The following COL13A1 variants were observed in gnomAD, a reference collection of about 807,000 sequenced individuals.
COL13A1 encodes collagen type XIII alpha 1 chain.
In COL13A1, 89 loss-of-function variants were observed where a neutral mutation model predicts 130.9. The observed-to-expected ratio is 0.68, with a 90% confidence interval of 0.57 to 0.81. COL13A1 has a LOEUF of 0.81. Among genes scored for constraint, COL13A1 ranks in the 30% least tolerant of loss-of-function variants. COL13A1 has a pLI of 0.00. For synonymous variants in COL13A1, 402 were observed against 341.6 expected (o/e 1.18, Z -1.95); for missense variants, 879 against 934.6 (o/e 0.94, Z 0.78).
At chr10:69,852,749 T>C (rs1228198649) in intron 2 of COL13A1, among the ~76,000 whole-genome samples, 1 of 152,214 alleles carries the variant, frequency 6.6e-6, no homozygotes. Flanking sequence ...TGTCCCATTT[T>C]GGGAGACCCC....
intron 22 of COL13A1, among the ~76,000 whole-genome samples, chr10:69,922,338 A>G (rs954931003): frequency 6.6e-6 from 1 of 152,084 alleles, no homozygotes; most frequent in African/African-American, 2.4e-5. Context: ...AGGCCTGAGC[A>G]CCCTGCAGTG....
chr10:69,870,265 C>A (rs79117033), intron 3 of COL13A1, among the ~76,000 whole-genome samples: 33,367 of 151,314 alleles, frequency 0.22, 3,791 homozygotes, highest in Middle Eastern at 0.29. Context: ...AGGTGTTTTG[C>A]AAACCTTTAA....
At chr10:69,929,798 C>G (rs957011632) in intron 28 of COL13A1, among the ~76,000 whole-genome samples, 1 of 152,208 alleles carries the variant, frequency 6.6e-6, no homozygotes, top group Admixed American at 6.5e-5. Flanking sequence ...CCAGAGCGCC[C>G]AGACTGGGAT....
At chr10:69,954,282 G>T (rs188514000) in intron 39 of COL13A1, among the ~76,000 whole-genome samples, 260 of 152,272 alleles carry the variant, frequency 1.7e-3, no homozygotes, top group African/African-American at 5.9e-3. Context: ...TACCTCTAAA[G>T]CACAGCCACT....
At chr10:69,897,648 C>G (rs2061785429) in intron 13 of COL13A1, 1 of 1,126,582 alleles carries the variant, frequency 8.9e-7, no homozygotes, top group African/African-American at 1.5e-5. Context: ...GCTCTGTGTG[C>G]CACTGCTGTC....
chr10:69,905,999 G>A (rs994384316), intron 17 of COL13A1, among the ~76,000 whole-genome samples, 177 bp downstream of exon 17: 2 of 152,226 alleles, frequency 1.3e-5, no homozygotes, highest in African/African-American at 4.8e-5. Context: ...AAATTACTGG[G>A]ATCCACCTAG....
intron 14 of COL13A1, among the ~76,000 whole-genome samples, chr10:69,900,167 G>T (rs1259749211): frequency 3.9e-5 from 6 of 152,114 alleles, no homozygotes; most frequent in Non-Finnish European, 8.8e-5. Flanking sequence ...GGCTGTGCCG[G>T]ACCCCATTCC....
At chr10:69,807,139 A>T (rs1185109652) in intron 1 of COL13A1, among the ~76,000 whole-genome samples, 4 of 152,214 alleles carry the variant, frequency 2.6e-5, no homozygotes, top group Admixed American at 6.5e-5. Context: ...CAGTAATAAC[A>T]TCAGAAACTG....
At chr10:69,817,500 C>A (rs1276598336) in intron 1 of COL13A1, among the ~76,000 whole-genome samples, 1 of 151,876 alleles carries the variant, frequency 6.6e-6, no homozygotes, top group African/African-American at 2.4e-5. Context: ...GTTGAGGGAA[C>A]CACAGAATGA....
chr10:69,956,772 T>C lies in COL13A1; in HGVS notation c.2146-232T>C, dbSNP rs71480624. ...GTCCCACGGGCTAGGACAGCCCCTA[T>C]TGACGTTGCACTATAGCTGCATGTG... On this transcript the variant is annotated intron_variant, in intron 39 of 40. Transcript: ENST00000645393. 0.045 allele frequency: 22,931 copies of C among 513,640 alleles called. 751 individuals carry two copies. The highest frequency in any genetic ancestry group is 0.12 in the Middle Eastern group (230 of 1,852). 31.8% of individuals were successfully genotyped at this position (513,640 alleles called of 1,614,324 possible). A position where few individuals can be genotyped will look rare whatever the true frequency, so the allele number is the denominator to read the frequency against.
chr10:69,927,324 T>A lies in COL13A1; in HGVS notation c.1422+214T>A, dbSNP rs146516815. ...CCTCGAGAGCTGCCCGTGCCCTGGG[T>A]CATGGGTGTCCTCTGTGTAAAGGCT... On this transcript the variant is annotated intron_variant, in intron 27 of 40. Transcript: ENST00000645393. Among the ~76,000 whole-genome samples, 5 of 152,194 alleles carry A rather than the reference T, an allele frequency of 3.3e-5. No homozygotes were observed. The East Asian group carries it at 9.6e-4, about 29-fold the overall frequency.
intron 2 of COL13A1, among the ~76,000 whole-genome samples, chr10:69,857,767 T>G (rs1050721009): frequency 1.3e-5 from 2 of 152,188 alleles, no homozygotes; most frequent in Non-Finnish European, 2.9e-5. Context: ...CCTCCTGAAG[T>G]CCACCTTAAA....
At chr10:69,899,640 C>T (rs751929428) in intron 14 of COL13A1, among the ~76,000 whole-genome samples, 1 of 152,204 alleles carries the variant, frequency 6.6e-6, no homozygotes, top group Non-Finnish European at 1.5e-5. Flanking sequence ...TGAGCAAGTG[C>T]TTCCTTCTTC....
At position 69,802,573 on chromosome 10, in the gene COL13A1, G is replaced by A; in HGVS notation, c.150G>A (p.Leu50=). ...PSPGSCGLLT[L]ALCSLALSLL... Reference sequence around the variant, plus strand: ...CAGGGTCGTGCGGGCTGCTGACGCTGGCCCTCTGCTCGCTGGCACTCAGCC... The same window carrying A: ...CAGGGTCGTGCGGGCTGCTGACGCTAGCCCTCTGCTCGCTGGCACTCAGCC... The change falls in exon 1 of 41, where the codon CTG becomes CTA. Residue 50 remains leucine (L), a synonymous_variant. Transcript: ENST00000645393. 6.2e-7 allele frequency: 1 copy of A among 1,611,148 alleles called. No homozygotes were observed. Among genetic ancestry groups the A allele is most frequent in the Non-Finnish European group, 8.5e-7 (1 of 1,178,806 alleles).
intron 4 of COL13A1, 122 bp from the exon 5 acceptor site, chr10:69,875,006 C>G: frequency 8.7e-7 from 1 of 1,151,770 alleles, no homozygotes; most frequent in South Asian, 1.3e-5. Context: ...TACGGGATGT[C>G]GTCCCCGCTG....
At chr10:69,822,527 A>C in intron 2 of COL13A1, 89 bp downstream of exon 2, 18 of 939,180 alleles carry the variant, frequency 1.9e-5, no homozygotes, top group Non-Finnish European at 2.4e-5. Flanking sequence ...GCCACACCTC[A>C]CTCAGGCCGT....
At chr10:69,878,385 C>T (rs546898907) in intron 6 of COL13A1, among the ~76,000 whole-genome samples, 20 of 152,146 alleles carry the variant, frequency 1.3e-4, no homozygotes, top group Non-Finnish European at 2.1e-4. Flanking sequence ...GGGGGACCCC[C>T]GAGGCTATGG....
At chr10:69,863,897 T>C (rs1279796250) in intron 2 of COL13A1, among the ~76,000 whole-genome samples, 1 of 151,998 alleles carries the variant, frequency 6.6e-6, no homozygotes, top group Non-Finnish European at 1.5e-5. Flanking sequence ...GGCAACATAG[T>C]GAAACTCCAT....
intron 13 of COL13A1, 131 bp downstream of exon 13, chr10:69,895,707 C>A: frequency 1.0e-6 from 1 of 964,182 alleles, no homozygotes. Context: ...CCACTGCCCT[C>A]TGCACTCAGC....
Sources: allele counts gnomAD v4.1 joint callset (sites outside exome capture counted in the v4.1 genomes callset), GRCh38; gene constraint gnomAD v4.1.1; transcripts MANE v1.5; gene names NCBI Gene and HGNC (gene_info 2026-07-23, HGNC 2026-07-21).